Variants in LIMA1 observed in about 807,000 individuals in gnomAD.
The protein encoded by LIMA1 is LIM domain and actin binding 1.
LIMA1 carries 52 observed loss-of-function variants against 62.6 expected under a neutral mutation model. The ratio of observed to expected loss-of-function variants is 0.83; its 90% confidence interval spans 0.67 to 1.05. The LOEUF is 1.05. LIMA1 is among the 50% of genes least tolerant of loss of function. LIMA1 has a pLI of 0.00. For synonymous variants in LIMA1, 302 were observed against 317.8 expected, an observed-to-expected ratio of 0.95 and a Z score of 0.53; for missense variants, 780 against 902.2, an observed-to-expected ratio of 0.86 and a Z score of 1.74.
chr12:50,266,919 G>T (rs1374949651), intron 1 of LIMA1, among the ~76,000 whole-genome samples: 1 of 151,992 alleles, frequency 6.6e-6, no homozygotes, highest in Non-Finnish European at 1.5e-5. Flanking sequence ...TTCTGAGACA[G>T]AGTCTCACTC....
intron 10 of LIMA1, 93 bp from the exon 11 acceptor site, chr12:50,178,162 GA>G (rs1940398996): frequency 1.0e-6 from 1 of 968,668 alleles, no homozygotes; most frequent in Admixed American, 3.1e-5. Flanking sequence ...AGTATTTTCA[GA>G]AGATGCCAAG....
At position 50,261,659 on chromosome 12, in the gene LIMA1, C is replaced by T. The variant is rs149730278; in HGVS notation, c.-23-12885G>A. Among the ~76,000 whole-genome samples, 173 of 152,192 alleles carry T rather than the reference C, an allele frequency of 1.1e-3. 3 individuals are homozygous for T. The highest frequency in any genetic ancestry group is 0.01 in the East Asian group (54 of 5,166). Reference sequence around the variant, plus strand: ...TCTCAAAGTATTAGACCTATCCCTACCTGATCAGATGGTAATTTTTTTTCT... The same window carrying T: ...TCTCAAAGTATTAGACCTATCCCTATCTGATCAGATGGTAATTTTTTTTCT... On this transcript the variant is annotated intron_variant, in intron 1 of 10. Coordinates refer to ENST00000341247, the MANE Select transcript of LIMA1 (RefSeq NM_016357.5).
At chr12:50,257,556 T>C (rs749334447) in intron 1 of LIMA1, among the ~76,000 whole-genome samples, 14 of 152,206 alleles carry the variant, frequency 9.2e-5, no homozygotes, top group Non-Finnish European at 1.5e-5. Context: ...CTGTGATCAA[T>C]TAAGCAGCTG....
intron 4 of LIMA1, among the ~76,000 whole-genome samples, chr12:50,212,424 T>G (rs1437573862): frequency 1.3e-5 from 2 of 152,114 alleles, no homozygotes; most frequent in Non-Finnish European, 2.9e-5. Flanking sequence ...AACCTAGCCT[T>G]GATTTATTAA....
chr12:50,263,801 G>C (rs1233161048), intron 1 of LIMA1, among the ~76,000 whole-genome samples: 2 of 142,398 alleles, frequency 1.4e-5, no homozygotes, highest in East Asian at 4.0e-4. Context: ...GTGTGTGTGT[G>C]TGTGTGTGTG....
chr12:50,181,646 A>AG (rs1940504054), intron 10 of LIMA1, among the ~76,000 whole-genome samples: 2 of 152,306 alleles, frequency 1.3e-5, no homozygotes, highest in South Asian at 4.1e-4. Flanking sequence ...ATTAGGTCAC[A>AG]GGGGGGTTTA....
At chr12:50,267,171 G>A (rs907653463) in intron 1 of LIMA1, among the ~76,000 whole-genome samples, 1 of 152,010 alleles carries the variant, frequency 6.6e-6, no homozygotes, top group African/African-American at 2.4e-5. Flanking sequence ...CCGGGTTCAC[G>A]CCATTCTTCT....
intron 4 of LIMA1, among the ~76,000 whole-genome samples, chr12:50,212,606 GA>G (rs902028652): frequency 7.1e-5 from 10 of 140,554 alleles, no homozygotes; most frequent in Admixed American, 1.4e-4. Context: ...ATTAGGAAAA[GA>G]AAAAAAAAAG....
At chr12:50,241,488 A>G (rs1028607151) in intron 2 of LIMA1, among the ~76,000 whole-genome samples, 1 of 152,198 alleles carries the variant, frequency 6.6e-6, no homozygotes, top group African/African-American at 2.4e-5. Flanking sequence ...TAGATTAAAA[A>G]AAAATCAAAA....
At chr12:50,238,201 C>T (rs1362496720) in intron 2 of LIMA1, among the ~76,000 whole-genome samples, 2 of 152,060 alleles carry the variant, frequency 1.3e-5, no homozygotes, top group Non-Finnish European at 2.9e-5. Context: ...AACTAGACTT[C>T]AGTAAAATTA....
intron 2 of LIMA1, among the ~76,000 whole-genome samples, chr12:50,243,906 A>G (rs986231158): frequency 6.6e-6 from 1 of 151,694 alleles, no homozygotes; most frequent in Non-Finnish European, 1.5e-5. Flanking sequence ...AATAGTATAT[A>G]TTTTATATAT....
At chr12:50,232,678 C>T (rs959785679) in intron 2 of LIMA1, among the ~76,000 whole-genome samples, 4 of 151,790 alleles carry the variant, frequency 2.6e-5, no homozygotes, top group Admixed American at 2.6e-4. Flanking sequence ...CCCCCAGCCA[C>T]TTTTAATCTT....
intron 1 of LIMA1, among the ~76,000 whole-genome samples, chr12:50,264,783 G>A (rs922712308): frequency 1.3e-5 from 2 of 152,152 alleles, no homozygotes; most frequent in Non-Finnish European, 2.9e-5. Flanking sequence ...TCAGATACTA[G>A]AACTCCTATT....
intron 6 of LIMA1, chr12:50,201,493 A>G: frequency 3.0e-6 from 3 of 983,678 alleles, no homozygotes; most frequent in Non-Finnish European, 3.6e-6. Flanking sequence ...CAGAGCCTCA[A>G]CATAAAAGAA....
chr12:50,200,335 C>A (rs1941020363), intron 7 of LIMA1, among the ~76,000 whole-genome samples: 1 of 152,164 alleles, frequency 6.6e-6, no homozygotes, highest in African/African-American at 2.4e-5. Flanking sequence ...TCCCGAGCAG[C>A]TGGGATTACA....
rs1037582431 is a variant in LIMA1, at chr12:50,206,049, C to T, written c.650G>A (p.Arg217Gln). 10 of 1,612,776 alleles carry T rather than the reference C, an allele frequency of 6.2e-6. No individual in the cohort carries two copies. The highest frequency in any genetic ancestry group is 2.2e-5 in the South Asian group (2 of 90,946). ...TQTKILRAQS[R>Q]SASGRKISEN... ...AGAGATCTTCCTTCCACTTGCACTT[C>T]GGCTTTGGGCCCGGAGAATCTGGAA... Residue 217 changes from arginine to glutamine, a missense_variant, in exon 5 of 11, where the codon CGA becomes CAA. Physicochemically the swap from Arg to Gln is conservative, Grantham distance 43 (BLOSUM62 1). Transcript: ENST00000341247.
intron 3 of LIMA1, chr12:50,230,098 T>C (rs1048498171): frequency 6.6e-6 from 1 of 152,278 alleles, no homozygotes; most frequent in African/African-American, 2.4e-5. Context: ...GCAGTGGTGC[T>C]ATCTCGGCTT....
intron 1 of LIMA1, among the ~76,000 whole-genome samples, chr12:50,260,930 CAAA>C (rs34256869): frequency 1.8e-4 from 14 of 76,154 alleles, no homozygotes; most frequent in African/African-American, 4.3e-4. Flanking sequence ...TAACTTGCCC[CAAA>C]AAAAAAAAAA....
intron 7 of LIMA1, 111 bp from the exon 8 acceptor site, chr12:50,195,998 C>A: frequency 8.9e-7 from 1 of 1,117,398 alleles, no homozygotes. Context: ...CAGTCAGTCA[C>A]TGGCTGCCTA....
Sources: allele counts gnomAD v4.1 joint callset (sites outside exome capture counted in the v4.1 genomes callset), GRCh38; gene constraint gnomAD v4.1.1; transcripts MANE v1.5; gene names NCBI Gene and HGNC (gene_info 2026-07-23, HGNC 2026-07-21).